Variants in ZNF407 observed in about 807,000 individuals in gnomAD.
ZNF407 encodes zinc finger protein 407.
In ZNF407, 17 loss-of-function variants were observed where a neutral mutation model predicts 131.2. The observed-to-expected ratio is 0.13, with a 90% CI of 0.09 to 0.19. The LOEUF is 0.19. Ranked by LOEUF, ZNF407 falls within the 10% of genes least tolerant of loss-of-function variation. ZNF407 has a pLI of 1.00. For synonymous variants in ZNF407, 1,156 were observed against 1,062.0 expected (o/e 1.09, Z -1.72); for missense variants, 2,681 against 2,830.6 (o/e 0.95, Z 1.20).
chr18:74,794,120 C>T (rs1969875595), intron 4 of ZNF407, among the ~76,000 whole-genome samples: 1 of 152,154 alleles, frequency 6.6e-6, no homozygotes, highest in South Asian at 2.1e-4. Context: ...CTGAGCTCTG[C>T]TTCAGGGCTG....
chr18:75,028,211 C>G (rs980440042), intron 8 of ZNF407, among the ~76,000 whole-genome samples: 1 of 152,226 alleles, frequency 6.6e-6, no homozygotes, highest in African/African-American at 2.4e-5. Flanking sequence ...GCACCATGGG[C>G]TGGGCGGCTT....
chr18:74,858,442 A>G (rs1313939165), intron 4 of ZNF407, among the ~76,000 whole-genome samples: 1 of 152,134 alleles, frequency 6.6e-6, no homozygotes, highest in Non-Finnish European at 1.5e-5. Flanking sequence ...CATACTACCT[A>G]TCCTGAAAAA....
At chr18:75,045,687 A>G (rs1347354683) in intron 8 of ZNF407, among the ~76,000 whole-genome samples, 1 of 152,164 alleles carries the variant, frequency 6.6e-6, no homozygotes, top group Non-Finnish European at 1.5e-5. Context: ...CTCTGTTATA[A>G]TACTTGTCAC....
rs576830258 is a variant in ZNF407, at chr18:75,026,391, T to C, written c.5429-36759T>C. The stretch of plus-strand genomic sequence containing the variant: ...ATAATCCAGATTTTTGAATTTCTTA[T>C]TATTTGCACACATCTTATCCCCTGA... On this transcript the variant is annotated intron_variant, in intron 8 of 8. Coordinates refer to ENST00000299687, the MANE Select transcript of ZNF407 (RefSeq NM_017757.3). 2.6e-5 allele frequency among the ~76,000 whole-genome samples: 4 copies of C among 152,358 alleles called. No homozygotes were observed. In the East Asian group the frequency reaches 5.8e-4, roughly 22 times the overall value.
At chr18:74,734,723 CAA>C (rs1357500498) in intron 3 of ZNF407, among the ~76,000 whole-genome samples, 1 of 148,478 alleles carries the variant, frequency 6.7e-6, no homozygotes, top group Non-Finnish European at 1.5e-5. Flanking sequence ...TTGAGAGAAT[CAA>C]AGATTCAAGG....
At chr18:74,769,734 G>A (rs1292726925) in intron 3 of ZNF407, among the ~76,000 whole-genome samples, 3 of 152,158 alleles carry the variant, frequency 2.0e-5, no homozygotes, top group Non-Finnish European at 2.9e-5. Context: ...GACTAGATGC[G>A]GGTTTTCAAC....
At chr18:74,852,758 A>G (rs1970807357) in intron 4 of ZNF407, among the ~76,000 whole-genome samples, 1 of 152,216 alleles carries the variant, frequency 6.6e-6, no homozygotes, top group African/African-American at 2.4e-5. Context: ...GGCTGTTCTG[A>G]AAAATGAGTT....
At chr18:74,970,608 C>G (rs1972461190) in intron 8 of ZNF407, among the ~76,000 whole-genome samples, 1 of 152,232 alleles carries the variant, frequency 6.6e-6, no homozygotes, top group Non-Finnish European at 1.5e-5. Context: ...CCAGGTCATG[C>G]TGATGCAAGA....
chr18:74,909,084 T>C (rs1971634580), intron 7 of ZNF407, among the ~76,000 whole-genome samples: 1 of 150,588 alleles, frequency 6.6e-6, no homozygotes, highest in South Asian at 2.1e-4. Flanking sequence ...AGTAATTCTT[T>C]TTGTGGATGT....
At chr18:74,758,501 T>C (rs1413636692) in intron 3 of ZNF407, among the ~76,000 whole-genome samples, 1 of 152,214 alleles carries the variant, frequency 6.6e-6, no homozygotes, top group Non-Finnish European at 1.5e-5. Flanking sequence ...TTTCTACTTT[T>C]ATATCCATCA....
chr18:75,013,466 G>A (rs906251849), intron 8 of ZNF407, among the ~76,000 whole-genome samples: 2 of 151,970 alleles, frequency 1.3e-5, no homozygotes, highest in Admixed American at 6.6e-5. Flanking sequence ...AATAAAAAAG[G>A]CCCCTAAGAG....
chr18:74,617,189 G>GCACCACACACATCCATATCCAC (rs1983352930), intron 1 of ZNF407, among the ~76,000 whole-genome samples: 1 of 21,288 alleles, frequency 4.7e-5, no homozygotes, highest in Non-Finnish European at 1.0e-4. Flanking sequence ...CACACACATC[G>GCACCACACACATCCATATCCAC]ACACACTTTA....
At chr18:74,688,591 C>T (rs1355420621) in intron 3 of ZNF407, among the ~76,000 whole-genome samples, 1 of 152,140 alleles carries the variant, frequency 6.6e-6, no homozygotes, top group East Asian at 1.9e-4. Context: ...TCTAAAAACT[C>T]ATTGTCAAAT....
chr18:74,835,233 C>A (rs1032036838), intron 4 of ZNF407, among the ~76,000 whole-genome samples: 2 of 152,176 alleles, frequency 1.3e-5, no homozygotes, highest in Non-Finnish European at 2.9e-5. Flanking sequence ...CTGACCACAC[C>A]ATCGGAGTGT....
intron 3 of ZNF407, among the ~76,000 whole-genome samples, chr18:74,747,708 A>G (rs1348397143): frequency 2.0e-5 from 3 of 152,086 alleles, no homozygotes; most frequent in Non-Finnish European, 4.4e-5. Context: ...CATTTTGCTG[A>G]CGTTCAGCAC....
At chr18:75,044,886 T>G (rs1048767557) in intron 8 of ZNF407, among the ~76,000 whole-genome samples, 4 of 152,216 alleles carry the variant, frequency 2.6e-5, no homozygotes, top group Admixed American at 6.5e-5. Context: ...ACATCATAGT[T>G]CTTCCAGGTA....
At chr18:74,869,247 T>G (rs2145170101) in intron 4 of ZNF407, among the ~76,000 whole-genome samples, 1 of 152,346 alleles carries the variant, frequency 6.6e-6, no homozygotes, top group South Asian at 2.1e-4. Flanking sequence ...CTTACATAAA[T>G]CCAGTGGCTT....
chr18:74,833,910 A>G (rs2145121650), intron 4 of ZNF407, among the ~76,000 whole-genome samples: 1 of 152,268 alleles, frequency 6.6e-6, no homozygotes, highest in Middle Eastern at 3.4e-3. Context: ...CTTTTTGAAC[A>G]CTTAGTACTG....
chr18:74,882,544 T>C (rs543481634), intron 6 of ZNF407, among the ~76,000 whole-genome samples: 37 of 152,378 alleles, frequency 2.4e-4, no homozygotes, highest in East Asian at 1.9e-4. Context: ...GCAAGATCAA[T>C]GCAAGCTAAT....
Sources: gnomAD v4.1 joint callset for allele counts (sites outside exome capture counted in the v4.1 genomes callset) on GRCh38, gnomAD v4.1.1 for gene constraint, MANE v1.5 for transcripts, NCBI Gene and HGNC (gene_info 2026-07-23, HGNC 2026-07-21) for gene names.